Variants in FNDC3B observed in about 807,000 individuals in gnomAD.
The protein encoded by FNDC3B is fibronectin type III domain containing 3B, also known as fibronectin type III domain-containing protein 3B.
In FNDC3B, 12 loss-of-function variants were observed where a neutral mutation model predicts 151.5. The ratio of observed to expected loss-of-function variants is 0.08; its 90% CI spans 0.05 to 0.13. The LOEUF is 0.13. Among genes scored for constraint, FNDC3B ranks in the 10% least tolerant of loss-of-function variants. FNDC3B has a pLI of 1.00. For synonymous variants in FNDC3B, 528 were observed against 549.0 expected (o/e 0.96, Z 0.54); for missense variants, 1,214 against 1,505.3 (o/e 0.81, Z 3.20).
At chr3:172,169,210 G>C (rs34716963) in intron 3 of FNDC3B, among the ~76,000 whole-genome samples, 59,446 of 152,004 alleles carry the variant, frequency 0.39, 12,024 homozygotes, top group East Asian at 0.56. Context: ...TTGAACCCTT[G>C]GAGGATGTGG....
chr3:172,320,216 C>T (rs1028198566), intron 11 of FNDC3B, among the ~76,000 whole-genome samples: 8 of 151,868 alleles, frequency 5.3e-5, no homozygotes, highest in Non-Finnish European at 2.9e-5. Context: ...CCTGTCTCTA[C>T]TAAAAATACA....
intron 4 of FNDC3B, among the ~76,000 whole-genome samples, chr3:172,243,377 A>C (rs2108764996): frequency 6.6e-6 from 1 of 152,318 alleles, no homozygotes; most frequent in Admixed American, 6.5e-5. Flanking sequence ...TTTACAAAGG[A>C]AAGAGGTTTA....
Position 172,251,470 on chromosome 3 carries a change from G to C in FNDC3B, c.719G>C (p.Ser240Thr). The C allele has an allele frequency of 6.2e-7, 1 of 1,614,166 alleles. No individual in the cohort carries two copies. The highest frequency in any genetic ancestry group is 8.5e-7 in the Non-Finnish European group (1 of 1,180,022). ...SGGSGGGGSG[S>T]GPGIKKTERR... ...GGAAGTGGCGGAGGCGGCAGCGGTA[G>C]TGGTCCCGGAATTAAGAAAACAGAG... Residue 240 changes from serine to threonine, a missense_variant, in exon 6 of 26, where the codon AGT becomes ACT. By Grantham distance (58) the Ser-to-Thr change is moderately conservative. This residue lies in a region of FNDC3B where 166 missense variants were observed against 173.2 expected (regional missense o/e 0.96). Transcript: ENST00000415807.
At chr3:172,194,637 G>T (rs751798810) in intron 3 of FNDC3B, among the ~76,000 whole-genome samples, 4 of 152,076 alleles carry the variant, frequency 2.6e-5, no homozygotes, top group Non-Finnish European at 5.9e-5. Flanking sequence ...TAAGAAAAGG[G>T]TATTGAGTAT....
intron 25 of FNDC3B, 31 bp downstream of exon 25, chr3:172,381,124 A>G (rs1735414768): frequency 6.2e-7 from 1 of 1,611,306 alleles, no homozygotes; most frequent in Admixed American, 1.7e-5. Flanking sequence ...CACATGTGCA[A>G]CTGAGTATGG....
chr3:172,083,343 T>G (rs985064597), intron 1 of FNDC3B, among the ~76,000 whole-genome samples: 7 of 152,236 alleles, frequency 4.6e-5, no homozygotes, highest in African/African-American at 1.7e-4. Flanking sequence ...CAGATGGAGC[T>G]GCACACACTT....
chr3:172,293,683 G>A (rs74528299), intron 7 of FNDC3B, among the ~76,000 whole-genome samples: 1,944 of 152,168 alleles, frequency 0.013, 40 homozygotes, highest in African/African-American at 0.043. Context: ...GCCGGGCTGC[G>A]GTCTTTAAGG....
In FNDC3B at chr3:172,296,542, G is replaced by GCC. The variant is rs1193861563; in HGVS notation, c.1001+1029_1001+1030dup. Among the ~76,000 whole-genome samples the GCC allele has an allele frequency of 6.6e-5, 10 of 152,256 alleles. 1 individual carries two copies. The highest frequency in any genetic ancestry group is 2.4e-4 in the African/African-American group (10 of 41,554). On this transcript the variant is annotated intron_variant, in intron 8 of 25. Transcript: ENST00000415807. Reference sequence around the variant, plus strand: ...CCGACTCTTGCTCTTCTACAAGCTTGCCTACTCACTGCAGAAACAAACTCA... The same window carrying GCC: ...CCGACTCTTGCTCTTCTACAAGCTTGCCCCTACTCACTGCAGAAACAAACTCA...
At chr3:172,213,548 C>T (rs1725832448) in intron 3 of FNDC3B, among the ~76,000 whole-genome samples, 1 of 152,168 alleles carries the variant, frequency 6.6e-6, no homozygotes, top group Non-Finnish European at 1.5e-5. Context: ...TTATGAGTTG[C>T]TCATATTTAT....
chr3:172,259,504 C>T (rs1350877183), intron 6 of FNDC3B, among the ~76,000 whole-genome samples: 1 of 152,190 alleles, frequency 6.6e-6, no homozygotes, highest in Non-Finnish European at 1.5e-5. Flanking sequence ...GCATGCTGCT[C>T]ATTAACATGC....
rs368788807 is a variant in FNDC3B, at chr3:172,270,892, A to G, written c.791-15034A>G. Among the ~76,000 whole-genome samples, 32 of 152,344 alleles carry G rather than the reference A, an allele frequency of 2.1e-4. No homozygotes were observed. In the South Asian group the frequency reaches 6.2e-3, roughly 30 times the overall value. Reference sequence around the variant, plus strand: ...GTTGGAAAGAGTTACCAGATAGTTCATTATGTGTGCTTGAATGCCAGTCTT... The same window carrying G: ...GTTGGAAAGAGTTACCAGATAGTTCGTTATGTGTGCTTGAATGCCAGTCTT... On this transcript the variant is annotated intron_variant, in intron 6 of 25. Coordinates refer to ENST00000415807, the MANE Select transcript of FNDC3B (RefSeq NM_022763.4).
At chr3:172,133,398 A>T in intron 2 of FNDC3B, 73 bp from the exon 3 acceptor site, 1 of 1,159,916 alleles carries the variant, frequency 8.6e-7, no homozygotes, top group South Asian at 1.3e-5. Flanking sequence ...CTAGTATATA[A>T]ATTTAGGTAA....
intron 1 of FNDC3B, among the ~76,000 whole-genome samples, chr3:172,082,623 T>C (rs1718341688): frequency 6.6e-6 from 1 of 152,200 alleles, no homozygotes; most frequent in African/African-American, 2.4e-5. Flanking sequence ...CACCCATGTA[T>C]AGGCTGAACG....
At chr3:172,119,169 TAAAAAAAAAAA>T (rs555243695) in intron 2 of FNDC3B, among the ~76,000 whole-genome samples, 29 of 102,166 alleles carry the variant, frequency 2.8e-4, no homozygotes, top group East Asian at 1.0e-3. Flanking sequence ...GACTCTGCCT[TAAAAAAAAAAA>T]AAAAAAAAAA....
At chr3:172,294,929 T>C (rs1158867422) in intron 7 of FNDC3B, among the ~76,000 whole-genome samples, 1 of 152,234 alleles carries the variant, frequency 6.6e-6, no homozygotes, top group Non-Finnish European at 1.5e-5. Context: ...TGGGTTCTCC[T>C]GGGAATCTGC....
intron 1 of FNDC3B, among the ~76,000 whole-genome samples, chr3:172,095,235 C>T (rs1294774172): frequency 1.3e-5 from 2 of 151,988 alleles, no homozygotes; most frequent in African/African-American, 4.8e-5. Flanking sequence ...AAAAAAATAC[C>T]AAGTTTTGAT....
At chr3:172,372,651 G>A (rs1261802339) in intron 23 of FNDC3B, among the ~76,000 whole-genome samples, 1 of 152,100 alleles carries the variant, frequency 6.6e-6, no homozygotes, top group Non-Finnish European at 1.5e-5. Context: ...TTCCTGCTGG[G>A]TCAAAAGCTG....
chr3:172,101,985 G>A (rs1420733173), intron 1 of FNDC3B, among the ~76,000 whole-genome samples: 1 of 152,176 alleles, frequency 6.6e-6, no homozygotes, highest in Non-Finnish European at 1.5e-5. Context: ...GGAGGGAGAT[G>A]TACTCTCATG....
intron 6 of FNDC3B, among the ~76,000 whole-genome samples, chr3:172,275,289 A>G (rs1028462808): frequency 9.2e-5 from 14 of 152,246 alleles, no homozygotes; most frequent in African/African-American, 3.1e-4. Context: ...ATAGAACACT[A>G]GTTTCATTCT....
Sources: allele counts gnomAD v4.1 joint callset (sites outside exome capture counted in the v4.1 genomes callset), GRCh38; gene constraint gnomAD v4.1.1; regional missense constraint gnomAD v4.1.1; transcripts MANE v1.5; gene names NCBI Gene and HGNC (gene_info 2026-07-23, HGNC 2026-07-21).